The following ADAMTSL1 variants were observed in gnomAD, a reference collection of about 807,000 sequenced individuals.
ADAMTSL1 encodes the protein ADAMTS-like protein 1.
In ADAMTSL1, 126 loss-of-function variants were observed where a neutral mutation model predicts 201.8. The ratio of observed to expected loss-of-function variants is 0.62; its 90% CI spans 0.54 to 0.72. The LOEUF is 0.72. Ranked by LOEUF, ADAMTSL1 falls within the 30% of genes least tolerant of loss-of-function variation. The pLI, the probability that ADAMTSL1 is intolerant of heterozygous loss-of-function variation, is 0.00. For missense variants in ADAMTSL1, 2,679 were observed against 2,277.8 expected, an observed-to-expected ratio of 1.18 and a Z score of -3.59; for synonymous variants, 1,121 against 903.4, an observed-to-expected ratio of 1.24 and a Z score of -4.32.
chr9:18,392,234 G>A (rs1161863555), intron 2 of ADAMTSL1, among the ~76,000 whole-genome samples: 1 of 152,144 alleles, frequency 6.6e-6, no homozygotes, highest in Admixed American at 6.5e-5. Context: ...TTATGGTACT[G>A]ATGTGATTAC....
intron 2 of ADAMTSL1, among the ~76,000 whole-genome samples, chr9:18,274,077 A>C (rs1832490865): frequency 6.6e-6 from 1 of 152,228 alleles, no homozygotes; most frequent in African/African-American, 2.4e-5. Context: ...GAAGCTATGG[A>C]AGAGAAATTT....
intron 26 of ADAMTSL1, among the ~76,000 whole-genome samples, chr9:18,895,789 C>G (rs1336361482): frequency 6.6e-6 from 1 of 152,174 alleles, no homozygotes; most frequent in Non-Finnish European, 1.5e-5. Flanking sequence ...GGAGAAATGG[C>G]TATTTTTCAA....
chr9:17,927,502 A>G (rs551209582), intron 1 of ADAMTSL1, among the ~76,000 whole-genome samples: 8 of 151,884 alleles, frequency 5.3e-5, no homozygotes, highest in African/African-American at 1.9e-4. Flanking sequence ...TATATAAATT[A>G]TATATATATG....
At chr9:18,774,918 T>G (rs1820889901) in intron 17 of ADAMTSL1, among the ~76,000 whole-genome samples, 3 of 152,220 alleles carry the variant, frequency 2.0e-5, no homozygotes, top group African/African-American at 7.2e-5. Flanking sequence ...AATTGCTAGG[T>G]CTCATGGTAA....
At chr9:18,403,142 C>G (rs1483395827) in intron 2 of ADAMTSL1, among the ~76,000 whole-genome samples, 2 of 151,734 alleles carry the variant, frequency 1.3e-5, no homozygotes, top group African/African-American at 2.4e-5. Context: ...CACATTTTCT[C>G]ATTTTCTTGT....
chr9:18,834,071 T>C (rs1332338302), intron 23 of ADAMTSL1, among the ~76,000 whole-genome samples: 1 of 152,178 alleles, frequency 6.6e-6, no homozygotes, highest in Non-Finnish European at 1.5e-5. Context: ...ACCAGCACCA[T>C]GTTTTTTGGT....
chr9:17,987,112 T>G (rs747231545), intron 1 of ADAMTSL1, among the ~76,000 whole-genome samples: 2 of 152,106 alleles, frequency 1.3e-5, no homozygotes, highest in Non-Finnish European at 2.9e-5. Context: ...CATGTCTCTC[T>G]GAGTTTTCGG....
rs761558331 is a variant in ADAMTSL1 at position 18,892,557 on chromosome 9, G to C, written c.4812G>C (p.Gln1604His). ...KRPVDTQACNQQLCVEWAFSS... is the reference protein window; with the variant it reads ...KRPVDTQACNHQLCVEWAFSS... ...CTGTGGACACCCAGGCCTGTAACCA[G>C]CAGCTGTGTGTGGAGTGGGCCTTCT... The change falls in exon 26 of 29, where the codon CAG becomes CAC. Residue 1604 changes from glutamine (Q) to histidine (H), a missense_variant. Physicochemically the swap from Gln to His is conservative, Grantham distance 24. Coordinates refer to ENST00000380548, the MANE Select transcript of ADAMTSL1 (RefSeq NM_001040272.6). The C allele has an allele frequency of 5.1e-6, 8 of 1,575,800 alleles. 1 individual carries two copies. Among genetic ancestry groups the C allele is most frequent in the Middle Eastern group, 3.3e-4 (2 of 6,024 alleles).
intron 17 of ADAMTSL1, among the ~76,000 whole-genome samples, chr9:18,770,997 G>A (rs1016160259): frequency 6.6e-6 from 1 of 152,210 alleles, no homozygotes; most frequent in Non-Finnish European, 1.5e-5. Context: ...ACAATCGGAA[G>A]CTTGGAATTG....
At chr9:18,632,535 G>C (rs1826844904) in intron 5 of ADAMTSL1, among the ~76,000 whole-genome samples, 1 of 152,082 alleles carries the variant, frequency 6.6e-6, no homozygotes, top group South Asian at 2.1e-4. Context: ...TTTCATCTGT[G>C]GGGTGTAGTA....
At chr9:18,778,381 A>G (rs1018976109) in intron 19 of ADAMTSL1, among the ~76,000 whole-genome samples, 44 of 152,220 alleles carry the variant, frequency 2.9e-4, no homozygotes, top group African/African-American at 9.6e-4. Context: ...CCCATCGTGT[A>G]TCTGTGCTGG....
At chr9:18,058,062 G>T (rs1033264792) in intron 1 of ADAMTSL1, among the ~76,000 whole-genome samples, 1 of 152,216 alleles carries the variant, frequency 6.6e-6, no homozygotes, top group Non-Finnish European at 1.5e-5. Context: ...GTACATAGGA[G>T]TATCTAAATA....
intron 2 of ADAMTSL1, among the ~76,000 whole-genome samples, chr9:18,298,123 A>G (rs781496794): frequency 6.6e-6 from 1 of 152,204 alleles, no homozygotes; most frequent in East Asian, 1.9e-4. Context: ...TTCCCGGAAA[A>G]GTAAAGAGAC....
In ADAMTSL1 at chr9:18,245,722, G is replaced by T. The variant is rs368762492; in HGVS notation, c.207+81741G>T. On this transcript the variant is annotated intron_variant, in intron 2 of 29. Transcript: ENST00000680146. Reference sequence around the variant, plus strand: ...CCTCCTTTTTTTTTTTTCAATGAAAGAGTAAAATTAACAAAAAGCAAAGGA... The same window carrying T: ...CCTCCTTTTTTTTTTTTCAATGAAATAGTAAAATTAACAAAAAGCAAAGGA... 1.1e-4 allele frequency among the ~76,000 whole-genome samples: 16 copies of T among 150,584 alleles called. No homozygotes were observed. The East Asian group carries it at 3.1e-3, about 29-fold the overall frequency.
At chr9:18,057,562 T>C (rs953530760) in intron 1 of ADAMTSL1, among the ~76,000 whole-genome samples, 2 of 152,160 alleles carry the variant, frequency 1.3e-5, no homozygotes, top group African/African-American at 4.8e-5. Flanking sequence ...AGAAATCATA[T>C]TGGCAAATTT....
chr9:18,806,807 ATGGTGCC>A (rs1823152667), intron 20 of ADAMTSL1, among the ~76,000 whole-genome samples: 1 of 152,140 alleles, frequency 6.6e-6, no homozygotes, highest in African/African-American at 2.4e-5. Context: ...CAGGATCAAA[ATGGTGCC>A]TGGTTGGCTG....
intron 2 of ADAMTSL1, among the ~76,000 whole-genome samples, chr9:18,236,885 C>A (rs1047371699): frequency 6.6e-6 from 1 of 152,166 alleles, no homozygotes; most frequent in African/African-American, 2.4e-5. Flanking sequence ...TACAAAGGAT[C>A]TGGTTCAGGA....
intron 1 of ADAMTSL1, among the ~76,000 whole-genome samples, chr9:18,128,916 T>C (rs1170765117): frequency 1.3e-5 from 2 of 152,098 alleles, no homozygotes; most frequent in Non-Finnish European, 2.9e-5. Context: ...ATATTTTCCT[T>C]TGAAAAAGAA....
chr9:18,467,737 C>T (rs1821060535), intron 2 of ADAMTSL1, among the ~76,000 whole-genome samples: 1 of 152,178 alleles, frequency 6.6e-6, no homozygotes, highest in Admixed American at 6.5e-5. Flanking sequence ...AGTCAAAGGA[C>T]TTGAAGTAGT....
Sources: allele counts gnomAD v4.1 joint callset (sites outside exome capture counted in the v4.1 genomes callset), GRCh38; gene constraint gnomAD v4.1.1; transcripts MANE v1.5; gene names NCBI Gene and HGNC (gene_info 2026-07-23, HGNC 2026-07-21).